The following ACAA2 variants were observed in gnomAD, a reference collection of about 807,000 sequenced individuals.
ACAA2 encodes the protein 3-ketoacyl-CoA thiolase, mitochondrial.
Under a neutral mutation model 44.8 loss-of-function variants are expected in ACAA2, and 35 were observed. That is an observed-to-expected ratio of 0.78 (90% CI 0.60 to 1.04). The LOEUF is 1.04. Ranked by LOEUF, ACAA2 falls within the 50% of genes least tolerant of loss-of-function variation. The pLI is 0.00. For synonymous variants in ACAA2, 142 were observed against 166.5 expected (o/e 0.85, Z 1.13); for missense variants, 468 against 482.6 (o/e 0.97, Z 0.28).
At position 49,783,173 on chromosome 18, in the gene ACAA2, A is replaced by C. The variant is rs2023286332; in HGVS notation, c.*674T>G. ...AAGGTGGATGAATCTTGAGAACATT[A>C]TATAAAGTAAAGTAAAATAAGCCAG... On this transcript the variant is annotated 3_prime_UTR_variant, in exon 10 of 10. Transcript: ENST00000285093. The C allele has an allele frequency of 6.6e-6, 1 of 152,302 alleles. No homozygotes were observed. The highest frequency in any genetic ancestry group is 1.5e-5 in the Non-Finnish European group (1 of 68,076). 9.4% of individuals were successfully genotyped at this position (152,302 alleles called of 1,614,324 possible).
intron 3 of ACAA2, among the ~76,000 whole-genome samples, chr18:49,796,314 A>T (rs530042901): frequency 7.0e-4 from 106 of 152,308 alleles, no homozygotes; most frequent in African/African-American, 2.5e-3. Context: ...AATCTAGGTG[A>T]CTCATAAAAA....
chr18:49,785,660 A>G (rs976880129), intron 8 of ACAA2: 2 of 332,014 alleles, frequency 6.0e-6, no homozygotes, highest in Non-Finnish European at 1.1e-5. Flanking sequence ...TGGATGGTTC[A>G]AATATTGGCT....
At chr18:49,786,663 TAAATATTCCAAA>T (rs1411792428) in intron 8 of ACAA2, 1 of 152,220 alleles carries the variant, frequency 6.6e-6, no homozygotes, top group African/African-American at 2.4e-5. Context: ...AATTTTCAAA[TAAATATTCCAAA>T]AGTGTGGAAT....
chr18:49,812,519 C>T (rs2023682099), intron 1 of ACAA2, among the ~76,000 whole-genome samples: 1 of 152,106 alleles, frequency 6.6e-6, no homozygotes, highest in Non-Finnish European at 1.5e-5. Context: ...TCAACTCATC[C>T]CTCCCCTTTT....
At chr18:49,805,649 C>T (rs779367054) in intron 1 of ACAA2, among the ~76,000 whole-genome samples, 1 of 152,004 alleles carries the variant, frequency 6.6e-6, no homozygotes, top group Admixed American at 6.6e-5. Flanking sequence ...GCAGCCTCGA[C>T]CTCTGCAGCC....
chr18:49,795,944 C>A, intron 3 of ACAA2, 63 bp from the exon 4 acceptor site: 1 of 997,646 alleles, frequency 1.0e-6, no homozygotes, highest in East Asian at 2.4e-5. Flanking sequence ...TATTAAGAAA[C>A]ACACTGATTT....
At chr18:49,801,785 CATATATATATAT>C (rs55864039) in intron 2 of ACAA2, among the ~76,000 whole-genome samples, 11 of 112,226 alleles carry the variant, frequency 9.8e-5, no homozygotes, top group East Asian at 3.0e-4. Context: ...AGAAACTGAT[CATATATATATAT>C]ATATATATAT....
intron 8 of ACAA2, 109 bp from the exon 9 acceptor site, chr18:49,785,460 A>T: frequency 9.4e-7 from 1 of 1,059,264 alleles, no homozygotes; most frequent in Non-Finnish European, 1.4e-6. Context: ...CTTCCTATTT[A>T]AATTACCTCG....
intron 1 of ACAA2, 99 bp downstream of exon 1, chr18:49,813,370 C>A: frequency 1.0e-6 from 1 of 994,876 alleles, no homozygotes; most frequent in Non-Finnish European, 1.3e-6. Flanking sequence ...TGAACTTCAC[C>A]CCACGACCCC....
intron 7 of ACAA2, among the ~76,000 whole-genome samples, chr18:49,788,427 C>G (rs960014670): frequency 6.6e-6 from 1 of 152,194 alleles, no homozygotes; most frequent in Non-Finnish European, 1.5e-5. Flanking sequence ...TTAAAATACT[C>G]TTTGGACAAC....
intron 5 of ACAA2, among the ~76,000 whole-genome samples, 176 bp from the exon 6 acceptor site, chr18:49,792,503 G>A (rs565487846): frequency 1.3e-5 from 2 of 152,164 alleles, no homozygotes; most frequent in South Asian, 2.1e-4. Context: ...GGAGTGCAAC[G>A]GCACAGTCTC....
Position 49,783,755 on chromosome 18 carries a change from G to T in ACAA2, c.*92C>A, listed in dbSNP as rs1440130258. The stretch of plus-strand genomic sequence containing the variant: ...ATCACTGTTTCAATGGCAGGGCATG[G>T]CCAGTTGTGGCAGCTGCTCTGAAGG... On this transcript the variant is annotated 3_prime_UTR_variant, in exon 10 of 10. Coordinates refer to ENST00000285093, the MANE Select transcript of ACAA2 (RefSeq NM_006111.3). 1.8e-5 allele frequency: 18 copies of T among 1,005,564 alleles called. No individual in the cohort carries two copies. The highest frequency in any genetic ancestry group is 2.6e-5 in the Non-Finnish European group (17 of 647,954). 62.3% of individuals were successfully genotyped at this position (1,005,564 alleles called of 1,614,324 possible). A position where few individuals can be genotyped will look rare whatever the true frequency, so the allele number is the denominator to read the frequency against.
At chr18:49,802,493 C>G (rs753976279) in intron 2 of ACAA2, among the ~76,000 whole-genome samples, 194 bp downstream of exon 2, 7 of 145,324 alleles carry the variant, frequency 4.8e-5, no homozygotes, top group African/African-American at 1.8e-4. Flanking sequence ...ACCCGGGAGG[C>G]GGAAGTTGCA....
At chr18:49,792,526 C>T (rs2143955816) in intron 5 of ACAA2, among the ~76,000 whole-genome samples, 199 bp from the exon 6 acceptor site, 2 of 152,244 alleles carry the variant, frequency 1.3e-5, no homozygotes, top group Middle Eastern at 6.8e-3. Context: ...CTCACTGCAA[C>T]CTCTGCCTCC....
intron 7 of ACAA2, among the ~76,000 whole-genome samples, chr18:49,789,594 A>AAGTT (rs1159618544): frequency 1.3e-5 from 2 of 152,190 alleles, no homozygotes; most frequent in African/African-American, 4.8e-5. Flanking sequence ...CTATTAAATA[A>AAGTT]AGTTAAACTG....
intron 7 of ACAA2, 33 bp downstream of exon 7, chr18:49,791,437 T>C: frequency 1.3e-6 from 2 of 1,595,914 alleles, no homozygotes; most frequent in Non-Finnish European, 1.7e-6. Context: ...TCCAGAAATA[T>C]TATAGAACCA....
At position 49,792,306 on chromosome 18, in the gene ACAA2, T is replaced by A; in HGVS notation, c.599A>T (p.Asn200Ile). 6.2e-7 allele frequency: 1 copy of A among 1,613,842 alleles called. No homozygotes were observed. The highest frequency in any genetic ancestry group is 8.5e-7 in the Non-Finnish European group (1 of 1,179,902). ...WKAANDAGYF[N>I]DEMAPIEVKT... The stretch of plus-strand genomic sequence containing the variant: ...CACTTCAATTGGTGCCATTTCATCA[T>A]TAAAGTAGCCAGCATCATTAGCTGA... The change falls in exon 6 of 10, where the codon AAT becomes ATT. Residue 200 changes from asparagine to isoleucine, a missense_variant. Asn to Ile is a moderately radical substitution (Grantham distance 149). Coordinates refer to ENST00000285093, the MANE Select transcript of ACAA2 (RefSeq NM_006111.3).
chr18:49,789,970 C>G (rs372450947), intron 7 of ACAA2, among the ~76,000 whole-genome samples: 1 of 152,094 alleles, frequency 6.6e-6, no homozygotes, highest in Non-Finnish European at 1.5e-5. Flanking sequence ...AAAACAAAAC[C>G]AACTCTGCTC....
At chr18:49,808,307 C>T (rs2023631398) in intron 1 of ACAA2, among the ~76,000 whole-genome samples, 1 of 152,182 alleles carries the variant, frequency 6.6e-6, no homozygotes, top group Non-Finnish European at 1.5e-5. Context: ...TCTTATAAAA[C>T]TAAACACACC....
Sources: allele counts gnomAD v4.1 joint callset (sites outside exome capture counted in the v4.1 genomes callset), GRCh38; gene constraint gnomAD v4.1.1; transcripts MANE v1.5; gene names NCBI Gene and HGNC (gene_info 2026-07-23, HGNC 2026-07-21).